OTOGL: variants seen among roughly 807,000 people sequenced by gnomAD.
OTOGL encodes otogelin-like protein.
A neutral mutation model predicts 318.5 loss-of-function variants in OTOGL; 285 were observed. That is an observed-to-expected ratio of 0.89 (90% CI 0.81 to 0.99). OTOGL has a LOEUF of 0.99. OTOGL is among the 50% of genes least tolerant of loss of function. The pLI is 0.00. For missense variants in OTOGL, 2,899 were observed against 2,845.6 expected, an observed-to-expected ratio of 1.02 and a Z score of -0.43; for synonymous variants, 987 against 936.5, an observed-to-expected ratio of 1.05 and a Z score of -0.99.
intron 37 of OTOGL, 129 bp downstream of exon 37, chr12:80,329,248 A>G (rs1887914193): frequency 2.9e-6 from 2 of 695,902 alleles, no homozygotes; most frequent in Non-Finnish European, 4.4e-6. Context: ...CCCAGCAGTC[A>G]CTTTTGCTTC....
chr12:80,329,263 AG>A (rs1355812975), intron 37 of OTOGL, 144 bp downstream of exon 37: 2 of 615,658 alleles, frequency 3.2e-6, no homozygotes, highest in African/African-American at 3.9e-5. Flanking sequence ...TGCTTCATTA[AG>A]CTTGTCCATT....
chr12:80,117,324 A>G (rs1870229510), intron 1 of OTOGL, among the ~76,000 whole-genome samples: 1 of 152,144 alleles, frequency 6.6e-6, no homozygotes, highest in Admixed American at 6.5e-5. Context: ...TTTTTTATTA[A>G]TGTCATTAAT....
chr12:80,190,628 A>T (rs1302766401), intron 1 of OTOGL, among the ~76,000 whole-genome samples: 3 of 151,980 alleles, frequency 2.0e-5, no homozygotes, highest in Non-Finnish European at 2.9e-5. Flanking sequence ...TCTACTAAAA[A>T]TACAAAAAAT....
At chr12:80,339,624 T>C (rs939981657) in intron 43 of OTOGL, among the ~76,000 whole-genome samples, 9 of 152,048 alleles carry the variant, frequency 5.9e-5, no homozygotes, top group Non-Finnish European at 7.4e-5. Context: ...ATAATAGTGT[T>C]ATCTCAATTT....
In OTOGL at chr12:80,358,903, A is replaced by G. The variant is rs1172573349; in HGVS notation, c.6267+3A>G. 7 of 1,482,282 alleles carry G rather than the reference A, an allele frequency of 4.7e-6. No individual in the cohort carries two copies. Among genetic ancestry groups the G allele is most frequent in the East Asian group, 2.5e-5 (1 of 40,466 alleles). 91.8% of individuals were successfully genotyped at this position (1,482,282 alleles called of 1,614,324 possible). ...TTATTATGCCAACTTGTGAAGTGGT[A>G]AGAACACATATTTTGATTGACTTGT... On this transcript the variant is annotated splice_donor_region_variant and intron_variant, in intron 52 of 58. Coordinates refer to ENST00000547103, the MANE Select transcript of OTOGL (RefSeq NM_001378609.3).
chr12:80,344,498 C>T (rs1242649115), intron 44 of OTOGL, among the ~76,000 whole-genome samples: 1 of 152,010 alleles, frequency 6.6e-6, no homozygotes, highest in African/African-American at 2.4e-5. Flanking sequence ...GCCGAGATCG[C>T]GCCATTGCAC....
At chr12:80,139,954 T>C (rs11830681) in intron 1 of OTOGL, among the ~76,000 whole-genome samples, 9,744 of 152,200 alleles carry the variant, frequency 0.064, 984 homozygotes, top group African/African-American at 0.22. Context: ...TACCCTCAGA[T>C]TTTCCTTTCC....
chr12:80,270,193 G>T (rs969892173), intron 23 of OTOGL, 39 bp downstream of exon 23: 1 of 1,505,670 alleles, frequency 6.6e-7, no homozygotes. Flanking sequence ...TGAGGGTTCA[G>T]CTCTGATACC....
intron 1 of OTOGL, among the ~76,000 whole-genome samples, chr12:80,189,723 G>C (rs1407140281): frequency 1.3e-5 from 2 of 152,186 alleles, no homozygotes; most frequent in Admixed American, 1.3e-4. Flanking sequence ...GGCTAAGTTT[G>C]AGAATGACTA....
intron 52 of OTOGL, chr12:80,360,962 C>T (rs1326413247): frequency 6.6e-6 from 1 of 151,788 alleles, no homozygotes; most frequent in Admixed American, 6.6e-5. Context: ...CATGCATTAC[C>T]TCACGACATC....
intron 7 of OTOGL, among the ~76,000 whole-genome samples, chr12:80,222,770 G>A (rs568078961): frequency 1.3e-5 from 2 of 152,214 alleles, no homozygotes; most frequent in African/African-American, 4.8e-5. Context: ...TATGTTGTTG[G>A]ATTTAAAAGC....
intron 1 of OTOGL, among the ~76,000 whole-genome samples, chr12:80,201,796 A>G (rs74108557): frequency 0.061 from 9,273 of 152,194 alleles, 725 homozygotes; most frequent in East Asian, 0.18. Context: ...AAACATCAAC[A>G]AGCAGGGAAA....
intron 1 of OTOGL, among the ~76,000 whole-genome samples, chr12:80,153,292 A>C (rs568947330): frequency 5.3e-5 from 8 of 152,264 alleles, no homozygotes; most frequent in African/African-American, 1.9e-4. Flanking sequence ...TGGAAGGAGC[A>C]AGGGAGTTCT....
intron 1 of OTOGL, among the ~76,000 whole-genome samples, chr12:80,140,305 G>A (rs1254683572): frequency 6.6e-6 from 1 of 152,172 alleles, no homozygotes; most frequent in Non-Finnish European, 1.5e-5. Flanking sequence ...TGCATGTGAT[G>A]TTCAGAGGTA....
intron 1 of OTOGL, among the ~76,000 whole-genome samples, chr12:80,205,024 G>A (rs1386268686): frequency 2.0e-5 from 3 of 151,964 alleles, no homozygotes; most frequent in African/African-American, 4.8e-5. Context: ...TGAGAGAAAC[G>A]AACAACAAAC....
At chr12:80,236,678 A>G (rs1412273468) in intron 9 of OTOGL, among the ~76,000 whole-genome samples, 4 of 152,216 alleles carry the variant, frequency 2.6e-5, no homozygotes, top group Non-Finnish European at 4.4e-5. Flanking sequence ...TTTAAAAAGT[A>G]TATTACAGCA....
Position 80,318,427 on chromosome 12 carries a change from T to C in OTOGL, c.3635-119T>C, listed in dbSNP as rs1185077412. 29 of 650,758 alleles carry C rather than the reference T, an allele frequency of 4.5e-5. No homozygotes were observed. In the East Asian group the frequency reaches 1.0e-3, roughly 23 times the overall value. 40.3% of individuals were successfully genotyped at this position (650,758 alleles called of 1,614,324 possible). ...AAGAATTCAGTTATTTTATTAGTGA[T>C]AAATTTTTAATTGCTCAATTTTTGA... On this transcript the variant is annotated intron_variant, in intron 32 of 58. Transcript: ENST00000547103.
chr12:80,150,183 G>A (rs1457792721), intron 1 of OTOGL, among the ~76,000 whole-genome samples: 1 of 152,186 alleles, frequency 6.6e-6, no homozygotes, highest in Non-Finnish European at 1.5e-5. Context: ...CAAAGGTCCT[G>A]TTCCCTGGAA....
chr12:80,102,413 T>C lies in OTOGL; in HGVS notation c.-20+2808T>C, dbSNP rs146581946. The stretch of plus-strand genomic sequence containing the variant: ...TTGTATGAACTGCACCAGCATGCAA[T>C]TGCCTAGTAGTCCAAGCCAGGGGAC... On this transcript the variant is annotated intron_variant, in intron 1 of 58. Transcript: ENST00000547103. Among the ~76,000 whole-genome samples, 628 of 152,304 alleles carry C rather than the reference T, an allele frequency of 4.1e-3. 4 individuals are homozygous for C. The highest frequency in any genetic ancestry group is 0.015 in the African/African-American group (605 of 41,574).
Sources: allele counts gnomAD v4.1 joint callset (sites outside exome capture counted in the v4.1 genomes callset), GRCh38; gene constraint gnomAD v4.1.1; transcripts MANE v1.5; gene names NCBI Gene and HGNC (gene_info 2026-07-23, HGNC 2026-07-21).